The following SH3D19 variants were observed in gnomAD, a reference collection of about 807,000 sequenced individuals.
SH3D19 encodes SH3 domain containing 19, also known as SH3 domain-containing protein 19.
SH3D19 carries 58 observed loss-of-function variants against 112.1 expected under a neutral mutation model. The observed-to-expected ratio is 0.52, with a 90% CI of 0.42 to 0.64. The LOEUF (loss-of-function observed/expected upper bound fraction) is 0.64, where lower values mean the gene tolerates loss of function less well. Ranked by LOEUF, SH3D19 falls within the 30% of genes least tolerant of loss-of-function variation. The probability of loss-of-function intolerance (pLI) is 0.00; values close to 1 mark genes in which losing one functional copy is unlikely to be tolerated. For missense variants in SH3D19, 1,090 were observed against 1,263.4 expected (o/e 0.86, Z 2.08); for synonymous variants, 391 against 448.5 (o/e 0.87, Z 1.62).
intron 14 of SH3D19, among the ~76,000 whole-genome samples, chr4:151,137,274 T>A (rs1455835502): frequency 2.0e-5 from 3 of 151,722 alleles, no homozygotes; most frequent in African/African-American, 7.3e-5. Context: ...CCCAAATAAA[T>A]TTTTTTTTAA....
At chr4:151,291,214 G>A in intron 1 of SH3D19, 1 of 1,613,746 alleles carries the variant, frequency 6.2e-7, no homozygotes. Flanking sequence ...ATCTCTTCCT[G>A]GAGTCTACAC....
chr4:151,214,747 C>A (rs1253876067), intron 2 of SH3D19, among the ~76,000 whole-genome samples: 3 of 87,752 alleles, frequency 3.4e-5, no homozygotes, highest in Admixed American at 1.1e-4. Flanking sequence ...GATGGGGAGG[C>A]TGGCCGGGCA....
chr4:151,275,308 C>T (rs966858358), intron 1 of SH3D19, among the ~76,000 whole-genome samples: 1 of 152,010 alleles, frequency 6.6e-6, no homozygotes, highest in African/African-American at 2.4e-5. Flanking sequence ...AGGATGGTCT[C>T]GATCTCCTGA....
intron 11 of SH3D19, among the ~76,000 whole-genome samples, chr4:151,146,306 T>G (rs1470367904): frequency 6.6e-6 from 1 of 152,138 alleles, no homozygotes; most frequent in Non-Finnish European, 1.5e-5. Context: ...TTATTTTATT[T>G]TTTTTTTTAA....
rs74629563 is a variant in SH3D19 at position 151,237,441 on chromosome 4, T to G, written c.113-11355A>C. ...CTTACCATCTCCAGGTGTCTACTAC[T>G]GGGGTGTGCCTGCAGTGGAAAATCA... On this transcript the variant is annotated intron_variant, in intron 1 of 19. Transcript: ENST00000604030. Among the ~76,000 whole-genome samples the G allele has an allele frequency of 3.1e-3, 472 of 152,324 alleles. 23 individuals are homozygous for G. In the East Asian group the frequency reaches 0.086, roughly 28 times the overall value.
At chr4:151,200,128 G>A (rs370762386) in intron 2 of SH3D19, among the ~76,000 whole-genome samples, 43 of 152,224 alleles carry the variant, frequency 2.8e-4, no homozygotes, top group African/African-American at 1.0e-3. Flanking sequence ...GAACTTCCCA[G>A]CCTCGAGAAG....
At position 151,175,565 on chromosome 4, in the gene SH3D19, A is replaced by G; in HGVS notation, c.639T>C (p.Asn213=). ...LIVFDISEEP[N]CPENPSATRC... is the part of the protein sequence containing the mutation. Reference sequence around the variant, plus strand: ...TTGTAGCACTGGGGTTTTCTGGACAATTCGGTTCTTCAGAAATATCAAAGA... The same window carrying G: ...TTGTAGCACTGGGGTTTTCTGGACAGTTCGGTTCTTCAGAAATATCAAAGA... Residue 213 remains asparagine (N), a synonymous_variant, in exon 7 of 20, where the codon AAT becomes AAC. Coordinates refer to ENST00000604030, the MANE Select transcript of SH3D19 (RefSeq NM_001378122.1). 1 of 1,352,542 alleles carries G rather than the reference A, an allele frequency of 7.4e-7. No homozygotes were observed. Among genetic ancestry groups the G allele is most frequent in the Non-Finnish European group, 9.4e-7 (1 of 1,059,290 alleles). The allele number at this position is 1,352,542 out of a possible 1,614,324, so 83.8% of individuals were successfully genotyped here. A position where few individuals can be genotyped will look rare whatever the true frequency, so the allele number is the denominator to read the frequency against.
chr4:151,293,253 G>A (rs1191976906), intron 1 of SH3D19, among the ~76,000 whole-genome samples: 2 of 151,862 alleles, frequency 1.3e-5, no homozygotes, highest in Admixed American at 6.6e-5. Context: ...GGCAGATCAC[G>A]AGGTCAGGAG....
chr4:151,277,796 T>A (rs1157029969), intron 1 of SH3D19, among the ~76,000 whole-genome samples: 1 of 152,186 alleles, frequency 6.6e-6, no homozygotes, highest in Non-Finnish European at 1.5e-5. Flanking sequence ...ATCCCAGCAC[T>A]TTGGGATGCC....
chr4:151,126,521 C>T (rs1749361732), intron 19 of SH3D19, among the ~76,000 whole-genome samples: 1 of 151,902 alleles, frequency 6.6e-6, no homozygotes, highest in South Asian at 2.1e-4. Context: ...TTTGGCCGGG[C>T]GCGGTGGCTC....
chr4:151,193,270 GT>G (rs918394503), intron 2 of SH3D19, among the ~76,000 whole-genome samples: 79 of 144,450 alleles, frequency 5.5e-4, no homozygotes, highest in African/African-American at 2.2e-3. Flanking sequence ...AAATAGGTTT[GT>G]TTTTTTTTTT....
intron 11 of SH3D19, among the ~76,000 whole-genome samples, chr4:151,145,032 TG>T (rs1403039643): frequency 1.3e-5 from 2 of 152,176 alleles, no homozygotes; most frequent in Non-Finnish European, 2.9e-5. Context: ...AGTGCAAGGA[TG>T]TGGCCCTGTA....
At chr4:151,251,881 C>T (rs1292732436) in intron 1 of SH3D19, among the ~76,000 whole-genome samples, 1 of 152,216 alleles carries the variant, frequency 6.6e-6, no homozygotes, top group East Asian at 1.9e-4. Context: ...TGCTACATGA[C>T]TAGCACACTT....
chr4:151,135,838 A>G (rs1458166227), intron 14 of SH3D19, among the ~76,000 whole-genome samples: 2 of 152,140 alleles, frequency 1.3e-5, no homozygotes, highest in Non-Finnish European at 2.9e-5. Context: ...GAATCCTGCA[A>G]TGCTTCTCTG....
chr4:151,189,342 T>A (rs1182808662), intron 2 of SH3D19, among the ~76,000 whole-genome samples: 1 of 152,046 alleles, frequency 6.6e-6, no homozygotes. Flanking sequence ...CTCGATCTCC[T>A]GACCTTGTGA....
chr4:151,278,408 C>T (rs1258956023), intron 1 of SH3D19, among the ~76,000 whole-genome samples: 2 of 128,502 alleles, frequency 1.6e-5, no homozygotes, highest in Admixed American at 7.3e-5. Context: ...GCTGGGACTA[C>T]AGGTGTGGTT....
intron 1 of SH3D19, among the ~76,000 whole-genome samples, chr4:151,256,968 G>C (rs1028048966): frequency 1.8e-4 from 27 of 151,816 alleles, no homozygotes; most frequent in African/African-American, 5.8e-4. Flanking sequence ...TCTCGAATTC[G>C]TGGCTTCAAG....
chr4:151,241,946 A>G (rs1450374048), intron 1 of SH3D19, among the ~76,000 whole-genome samples: 1 of 149,892 alleles, frequency 6.7e-6, no homozygotes, highest in Non-Finnish European at 1.5e-5. Context: ...TAATCCCAGC[A>G]TTTTGGGAGG....
At chr4:151,151,922 G>A (rs1755128221) in intron 9 of SH3D19, among the ~76,000 whole-genome samples, 1 of 152,158 alleles carries the variant, frequency 6.6e-6, no homozygotes, top group South Asian at 2.1e-4. Flanking sequence ...AATTTGACAT[G>A]GAAAGATGCA....
Sources: allele counts gnomAD v4.1 joint callset (sites outside exome capture counted in the v4.1 genomes callset), GRCh38; gene constraint gnomAD v4.1.1; transcripts MANE v1.5; gene names NCBI Gene and HGNC (gene_info 2026-07-23, HGNC 2026-07-21).